Variants in SIL1 observed in about 807,000 individuals in gnomAD.
SIL1 encodes the protein SIL1 nucleotide exchange factor.
A neutral mutation model predicts 49.1 loss-of-function variants in SIL1; 40 were observed. That is an observed-to-expected ratio of 0.81 (90% CI 0.63 to 1.06). The LOEUF (loss-of-function observed/expected upper bound fraction) is 1.06. Ranked by LOEUF, SIL1 falls within the 50% of genes least tolerant of loss-of-function variation. The pLI, the probability that SIL1 is intolerant of heterozygous loss-of-function variation, is 0.00. For missense variants in SIL1, 500 were observed against 572.6 expected (o/e 0.87, Z 1.29); for synonymous variants, 253 against 250.8 (o/e 1.01, Z -0.08).
At chr5:139,017,672 G>A (rs1451707360) in intron 7 of SIL1, among the ~76,000 whole-genome samples, 1 of 152,116 alleles carries the variant, frequency 6.6e-6, no homozygotes, top group Non-Finnish European at 1.5e-5. Context: ...CGAGGTAAAG[G>A]AGATATATAG....
intron 1 of SIL1, among the ~76,000 whole-genome samples, chr5:139,150,412 C>CTCTT (rs2151805381): frequency 6.6e-6 from 1 of 152,254 alleles, no homozygotes; most frequent in South Asian, 2.1e-4. Context: ...TCTTCTATCC[C>CTCTT]CTACTCAGCC....
chr5:139,146,471 T>A (rs527536888), intron 1 of SIL1, among the ~76,000 whole-genome samples: 62 of 152,178 alleles, frequency 4.1e-4, no homozygotes, highest in African/African-American at 1.4e-3. Context: ...GGTGGGAGAA[T>A]CATTTGAGCC....
At chr5:139,026,126 T>A (rs1398296291) in intron 6 of SIL1, among the ~76,000 whole-genome samples, 1 of 152,214 alleles carries the variant, frequency 6.6e-6, no homozygotes, top group Non-Finnish European at 1.5e-5. Flanking sequence ...TACATATTCT[T>A]ACATCACCCT....
At chr5:138,990,064 C>A (rs1259604074) in intron 7 of SIL1, among the ~76,000 whole-genome samples, 2 of 152,206 alleles carry the variant, frequency 1.3e-5, no homozygotes, top group African/African-American at 2.4e-5. Context: ...CCAGGGCTTG[C>A]GTCTTCCTGC....
At chr5:138,969,398 G>A (rs1301168728) in intron 7 of SIL1, among the ~76,000 whole-genome samples, 1 of 152,220 alleles carries the variant, frequency 6.6e-6, no homozygotes, top group Admixed American at 6.5e-5. Flanking sequence ...GAAACTGTAG[G>A]CTAGAGCTCC....
At chr5:139,175,102 A>G (rs967951390) in intron 1 of SIL1, among the ~76,000 whole-genome samples, 1 of 152,106 alleles carries the variant, frequency 6.6e-6, no homozygotes, top group Admixed American at 6.5e-5. Context: ...CAGGTGGATC[A>G]CCTGAGGTCA....
At chr5:139,146,348 G>C (rs1447644692) in intron 1 of SIL1, among the ~76,000 whole-genome samples, 1 of 152,098 alleles carries the variant, frequency 6.6e-6, no homozygotes, top group Non-Finnish European at 1.5e-5. Context: ...CTTGAGCCCA[G>C]GAGTTCAAGA....
rs375241132 is a variant in SIL1 at position 138,947,266 on chromosome 5, G to A, written c.1237C>T (p.Arg413Cys). The change falls in exon 10 of 10, where the codon CGT (arginine) becomes TGT (cysteine). Residue 413 changes from arginine to cysteine, a missense_variant. Transcript: ENST00000394817. The surrounding 1 kb of genome is among the most constrained non-coding windows in gnomAD (Gnocchi z 4.1). ...GTCCTGCCGAGCTGGGGGTCCTGAC[G>A]GTAGCGGTCCCGGCAGGTGGTCAGG... ...VLLTTCRDRY[R>C]QDPQLGRTLA... 2.7e-5 allele frequency: 44 copies of A among 1,613,432 alleles called. No individual in the cohort carries two copies. The highest frequency in any genetic ancestry group is 3.6e-5 in the Non-Finnish European group (42 of 1,180,024).
chr5:139,160,178 CACACACACAA>C lies in SIL1; in HGVS notation c.-10-32335_-10-32326del, dbSNP rs1369836846. The stretch of plus-strand genomic sequence containing the variant: ...ACACACACACACACACACACACACA[CACACACACAA>C]AAGTTATAGCCTGGAGGAGTAGAAG... On this transcript the variant is annotated intron_variant, in intron 1 of 9. Coordinates refer to ENST00000394817, the MANE Select transcript of SIL1 (RefSeq NM_022464.5). Among the ~76,000 whole-genome samples, 198 of 125,992 alleles carry C rather than the reference CACACACACAA, an allele frequency of 1.6e-3. 1 individual carries two copies. Among genetic ancestry groups the C allele is most frequent in the African/African-American group, 4.0e-3 (155 of 39,136 alleles). The allele number at this position is 125,992 out of a possible 152,430, so 82.7% of individuals were successfully genotyped here.
At chr5:139,178,098 C>T (rs769732678) in intron 1 of SIL1, among the ~76,000 whole-genome samples, 1 of 152,180 alleles carries the variant, frequency 6.6e-6, no homozygotes, top group Non-Finnish European at 1.5e-5. Flanking sequence ...TTTTTCTGTG[C>T]AGATGGAAAG....
intron 1 of SIL1, among the ~76,000 whole-genome samples, chr5:139,167,069 C>T (rs760852151): frequency 2.1e-4 from 32 of 152,176 alleles, no homozygotes; most frequent in Non-Finnish European, 2.6e-4. Flanking sequence ...GCCTCAGCCT[C>T]CCAAAGTGCT....
chr5:139,108,445 G>T (rs532354375), intron 3 of SIL1, among the ~76,000 whole-genome samples: 11 of 152,152 alleles, frequency 7.2e-5, no homozygotes, highest in Non-Finnish European at 4.4e-5. Flanking sequence ...CAACACAAAC[G>T]GACACCTTGT....
At chr5:139,070,082 G>C (rs1479885135) in intron 3 of SIL1, among the ~76,000 whole-genome samples, 1 of 152,110 alleles carries the variant, frequency 6.6e-6, no homozygotes, top group African/African-American at 2.4e-5. Flanking sequence ...GGCTAAAAAG[G>C]AAGTATATAA....
Position 139,183,131 on chromosome 5 carries a change from A to C in SIL1, c.-11+15138T>G, listed in dbSNP as rs191964151. ...CAAAGCTGCACACCAGTAAGGTCCT[A>C]AGTCATCAGCTTTCTAGGGCAAACC... On this transcript the variant is annotated intron_variant, in intron 1 of 9. Coordinates refer to ENST00000394817, the MANE Select transcript of SIL1 (RefSeq NM_022464.5). Among the ~76,000 whole-genome samples the C allele has an allele frequency of 1.2e-3, 180 of 152,288 alleles. 1 individual carries two copies. The highest frequency in any genetic ancestry group is 2.2e-3 in the Admixed American group (33 of 15,300).
intron 7 of SIL1, among the ~76,000 whole-genome samples, chr5:139,014,779 C>T (rs554723261): frequency 6.6e-6 from 1 of 152,182 alleles, no homozygotes; most frequent in East Asian, 1.9e-4. Context: ...ATATGCTAAT[C>T]AGTTTATCAG....
chr5:139,081,283 C>G (rs923191600), intron 3 of SIL1, among the ~76,000 whole-genome samples: 2 of 152,180 alleles, frequency 1.3e-5, no homozygotes, highest in African/African-American at 2.4e-5. Flanking sequence ...GAGACTGGGT[C>G]TCACTCTGTA....
chr5:138,973,442 C>G (rs902578994), intron 7 of SIL1, among the ~76,000 whole-genome samples: 10 of 151,650 alleles, frequency 6.6e-5, no homozygotes, highest in African/African-American at 2.4e-4. Flanking sequence ...TTTCTCAGAC[C>G]ATCAGAGGTA....
chr5:139,126,851 C>A (rs1750763253), intron 2 of SIL1, among the ~76,000 whole-genome samples: 1 of 152,242 alleles, frequency 6.6e-6, no homozygotes, highest in Non-Finnish European at 1.5e-5. Flanking sequence ...GGACCTCCCG[C>A]TCCAGAGCTT....
chr5:139,058,343 A>G (rs535357173), intron 3 of SIL1, among the ~76,000 whole-genome samples: 1 of 152,080 alleles, frequency 6.6e-6, no homozygotes, highest in Admixed American at 6.5e-5. Flanking sequence ...CTAAAAAAAA[A>G]AACACCAAAT....
Sources: gnomAD v4.1 joint callset for allele counts (sites outside exome capture counted in the v4.1 genomes callset) on GRCh38, gnomAD v4.1.1 for gene constraint, Gnocchi (gnomAD v3.1) non-coding constraint, MANE v1.5 for transcripts, NCBI Gene and HGNC (gene_info 2026-07-23, HGNC 2026-07-21) for gene names.